CCDC150: variants seen among roughly 807,000 people sequenced by gnomAD.
CCDC150 encodes coiled-coil domain-containing protein 150.
Under a neutral mutation model 156.5 loss-of-function variants are expected in CCDC150, and 151 were observed. The ratio of observed to expected loss-of-function variants is 0.97; its 90% CI spans 0.85 to 1.10. CCDC150 has a LOEUF of 1.10. Among genes scored for constraint, CCDC150 ranks in the 50% least tolerant of loss-of-function variants. The probability of loss-of-function intolerance (pLI) is 0.00; values close to 1 mark genes in which losing one functional copy is unlikely to be tolerated. For missense variants in CCDC150, 1,312 were observed against 1,268.1 expected (o/e 1.03, Z -0.53); for synonymous variants, 452 against 429.4 (o/e 1.05, Z -0.65).
At chr2:196,713,064 CAT>C (rs1234356486) in intron 17 of CCDC150, 13 of 482,512 alleles carry the variant, frequency 2.7e-5, no homozygotes, top group Middle Eastern at 5.5e-4. Flanking sequence ...ATGGAATACT[CAT>C]AGAGTTCTAA....
chr2:196,645,748 G>T (rs993381792), intron 1 of CCDC150, among the ~76,000 whole-genome samples: 1 of 152,128 alleles, frequency 6.6e-6, no homozygotes. Context: ...TGAAGTTAAG[G>T]TTGCATGTTA....
At chr2:196,666,678 CTT>C (rs1559225791) in intron 6 of CCDC150, 39 bp from the exon 7 acceptor site, 12 of 1,537,320 alleles carry the variant, frequency 7.8e-6, no homozygotes, top group Non-Finnish European at 9.6e-6. Context: ...TATTTGAAAT[CTT>C]TATCTCACAG....
intron 8 of CCDC150, among the ~76,000 whole-genome samples, chr2:196,671,860 C>T (rs556577348): frequency 3.9e-5 from 6 of 152,310 alleles, no homozygotes; most frequent in South Asian, 2.1e-4. Context: ...CTATAAGTAT[C>T]TGTGTGCAGG....
At chr2:196,651,863 G>A (rs10194465) in intron 2 of CCDC150, among the ~76,000 whole-genome samples, 119,138 of 152,184 alleles carry the variant, frequency 0.78, 46,852 homozygotes, top group East Asian at 0.97. Context: ...GCAACTACTC[G>A]ACTTCTGTTG....
At chr2:196,691,759 G>A (rs1279139299) in intron 13 of CCDC150, among the ~76,000 whole-genome samples, 1 of 152,068 alleles carries the variant, frequency 6.6e-6, no homozygotes, top group African/African-American at 2.4e-5. Context: ...TGGCCAAAAT[G>A]GTGAAACCTC....
At chr2:196,661,445 G>T (rs533265420) in intron 5 of CCDC150, among the ~76,000 whole-genome samples, 2 of 152,224 alleles carry the variant, frequency 1.3e-5, no homozygotes, top group African/African-American at 4.8e-5. Context: ...GTGTCTCTGT[G>T]TGTCCAAATC....
At chr2:196,667,809 C>T (rs1693936884) in intron 7 of CCDC150, 2 of 152,154 alleles carry the variant, frequency 1.3e-5, no homozygotes, top group Non-Finnish European at 2.9e-5. Flanking sequence ...CTGCTTTTAG[C>T]AGAAAGTATT....
At chr2:196,667,059 C>G in intron 7 of CCDC150, 1 of 561,378 alleles carries the variant, frequency 1.8e-6, no homozygotes, top group Non-Finnish European at 3.2e-6. Flanking sequence ...TAATTGTAAA[C>G]TATTCCTTAT....
chr2:196,672,505 CA>C, intron 9 of CCDC150, 68 bp downstream of exon 9: 1 of 782,344 alleles, frequency 1.3e-6, no homozygotes, highest in Non-Finnish European at 1.9e-6. Context: ...AACCAAGAAA[CA>C]AAATTAGTCT....
intron 7 of CCDC150, among the ~76,000 whole-genome samples, chr2:196,668,687 CAT>C (rs757548797): frequency 2.0e-4 from 30 of 152,092 alleles, no homozygotes; most frequent in African/African-American, 5.1e-4. Context: ...TGAATTAAAA[CAT>C]GTAATTGTTT....
chr2:196,671,585 G>T (rs564305104), intron 8 of CCDC150, among the ~76,000 whole-genome samples: 1 of 111,484 alleles, frequency 9.0e-6, no homozygotes, highest in East Asian at 2.8e-4. Context: ...CCTCCACCAC[G>T]CCTGGCTAAT....
intron 8 of CCDC150, 47 bp from the exon 9 acceptor site, chr2:196,672,298 A>C: frequency 1.0e-6 from 1 of 972,794 alleles, no homozygotes; most frequent in Non-Finnish European, 1.5e-6. Flanking sequence ...AGGGGTGCAC[A>C]TAGTATCTCT....
chr2:196,729,553 T>A, intron 23 of CCDC150, 166 bp downstream of exon 23: 1 of 697,624 alleles, frequency 1.4e-6, no homozygotes, highest in Non-Finnish European at 2.4e-6. Context: ...CACTGCTGTG[T>A]AAATGTTTGA....
chr2:196,725,823 C>G, intron 21 of CCDC150, 150 bp from the exon 22 acceptor site: 1 of 575,910 alleles, frequency 1.7e-6, no homozygotes, highest in Non-Finnish European at 3.0e-6. Context: ...TGTTAATGAG[C>G]TCCAAATTAG....
At chr2:196,653,738 T>C (rs1693015813) in intron 2 of CCDC150, among the ~76,000 whole-genome samples, 1 of 152,210 alleles carries the variant, frequency 6.6e-6, no homozygotes, top group African/African-American at 2.4e-5. Context: ...CCAAAGCTGC[T>C]TTTACATTTT....
intron 2 of CCDC150, among the ~76,000 whole-genome samples, chr2:196,649,991 C>T (rs1382103659): frequency 1.3e-5 from 2 of 152,026 alleles, no homozygotes. Flanking sequence ...TCTTTTATTT[C>T]TTTTTCTTTT....
chr2:196,645,332 A>G (rs927025256), intron 1 of CCDC150, among the ~76,000 whole-genome samples: 3 of 152,186 alleles, frequency 2.0e-5, no homozygotes, highest in Admixed American at 6.5e-5. Context: ...CAACTTGAAC[A>G]TGAGGTGGAC....
chr2:196,717,152 G>A (rs571716061), intron 17 of CCDC150, among the ~76,000 whole-genome samples: 42 of 151,754 alleles, frequency 2.8e-4, no homozygotes, highest in African/African-American at 9.9e-4. Context: ...GCCTCCCAAA[G>A]TGCTGGGATT....
chr2:196,644,068 G>C (rs1163528869), intron 1 of CCDC150, among the ~76,000 whole-genome samples: 1 of 152,068 alleles, frequency 6.6e-6, no homozygotes, highest in Non-Finnish European at 1.5e-5. Context: ...GAATTGTAAG[G>C]GGGTAGGAAA....
Sources: allele counts gnomAD v4.1 joint callset (sites outside exome capture counted in the v4.1 genomes callset), GRCh38; gene constraint gnomAD v4.1.1; transcripts MANE v1.5; gene names NCBI Gene and HGNC (gene_info 2026-07-23, HGNC 2026-07-21).